TBC1D22A: variants seen among roughly 807,000 people sequenced by gnomAD.
TBC1D22A encodes TBC1 domain family member 22A.
TBC1D22A carries 38 observed loss-of-function variants against 60.2 expected under a neutral mutation model. That is an observed-to-expected ratio of 0.63 (90% CI 0.49 to 0.83). TBC1D22A has a LOEUF of 0.83. TBC1D22A is among the 40% of genes least tolerant of loss of function. The pLI, the probability that TBC1D22A is intolerant of heterozygous loss-of-function variation, is 0.00. For missense variants in TBC1D22A, 628 were observed against 701.0 expected (o/e 0.90, Z 1.18); for synonymous variants, 302 against 281.7 (o/e 1.07, Z -0.72).
rs1030368479 is a variant in TBC1D22A at position 46,792,646 on chromosome 22, C to T, written c.119+70C>T. On this transcript the variant is annotated intron_variant, in intron 2 of 12. Transcript: ENST00000337137. Reference sequence around the variant, plus strand: ...GGAGGGCTGTGGCAACCCCGGTCTTCCTGCTTCCTTCCTGCTCCCAGGCAT... The same window carrying T: ...GGAGGGCTGTGGCAACCCCGGTCTTTCTGCTTCCTTCCTGCTCCCAGGCAT... 12 of 1,612,414 alleles carry T rather than the reference C, an allele frequency of 7.4e-6. No individual in the cohort carries two copies. In the African/African-American group the frequency reaches 1.2e-4, roughly 16 times the overall value.
chr22:46,823,329 A>G (rs2085908245), intron 4 of TBC1D22A, among the ~76,000 whole-genome samples: 1 of 152,238 alleles, frequency 6.6e-6, no homozygotes, highest in Non-Finnish European at 1.5e-5. Flanking sequence ...TTTATTATAG[A>G]AAAATTTGGA....
intron 12 of TBC1D22A, among the ~76,000 whole-genome samples, chr22:47,133,199 T>G (rs1290387040): frequency 6.6e-6 from 1 of 152,256 alleles, no homozygotes; most frequent in East Asian, 1.9e-4. Context: ...GGTTCCCAAG[T>G]GTGCACAGGG....
At position 46,936,810 on chromosome 22, in the gene TBC1D22A, C is replaced by T. The variant is rs138976343; in HGVS notation, c.1015+24622C>T. ...CCTGCTCTTCGTAAGCCACACTGAC[C>T]TAGTCTGCAGCAGTTTTAAAGTTTT... On this transcript the variant is annotated intron_variant, in intron 8 of 12. Coordinates refer to ENST00000337137, the MANE Select transcript of TBC1D22A (RefSeq NM_014346.5). 4.6e-5 allele frequency among the ~76,000 whole-genome samples: 7 copies of T among 152,348 alleles called. No homozygotes were observed. The East Asian group carries it at 9.6e-4, about 21-fold the overall frequency.
At chr22:46,934,789 C>T (rs766172216) in intron 8 of TBC1D22A, among the ~76,000 whole-genome samples, 7 of 150,350 alleles carry the variant, frequency 4.7e-5, no homozygotes, top group African/African-American at 7.5e-5. Context: ...GTTGGTGTTA[C>T]GCTGCTGGAG....
At chr22:46,778,353 T>C (rs972741116) in intron 1 of TBC1D22A, among the ~76,000 whole-genome samples, 4 of 152,250 alleles carry the variant, frequency 2.6e-5, no homozygotes, top group African/African-American at 7.2e-5. Flanking sequence ...GACTCCTTTC[T>C]ATTGACACAT....
At position 46,777,324 on chromosome 22, in the gene TBC1D22A, A is replaced by G. The variant is rs1249695897; in HGVS notation, c.62+14476A>G. ...AGAGGTACGAGGCAGGGATGAGCAC[A>G]TTGTCTATTTTTGTGTGACTGGTAG... is the stretch of plus-strand genomic sequence containing the variant. On this transcript the variant is annotated intron_variant, in intron 1 of 12. Coordinates refer to ENST00000337137, the MANE Select transcript of TBC1D22A (RefSeq NM_014346.5). This position sits in a 1 kb window ranked among gnomAD's most constrained non-coding sequence, Gnocchi z 4.5. 1.3e-5 allele frequency among the ~76,000 whole-genome samples: 2 copies of G among 152,132 alleles called. No individual in the cohort carries two copies. Among genetic ancestry groups the G allele is most frequent in the African/African-American group, 4.8e-5 (2 of 41,420 alleles).
chr22:46,764,720 C>T (rs1022164519), intron 1 of TBC1D22A, among the ~76,000 whole-genome samples: 1 of 152,128 alleles, frequency 6.6e-6, no homozygotes, highest in South Asian at 2.1e-4. Context: ...TACAGAGAGA[C>T]ACACACAGGG....
rs545276126 is a variant in TBC1D22A at position 46,773,906 on chromosome 22, C to T, written c.62+11058C>T. ...TCAAAGCCACACAGCTCATAAGTGGCAAAGCTGGGGTTTGAACCTTAGAAG... is the reference window on the plus strand; with the variant it reads ...TCAAAGCCACACAGCTCATAAGTGGTAAAGCTGGGGTTTGAACCTTAGAAG... On this transcript the variant is annotated intron_variant, in intron 1 of 12. Coordinates refer to ENST00000337137, the MANE Select transcript of TBC1D22A (RefSeq NM_014346.5). The T allele has an allele frequency of 2.0e-5, 20 of 984,700 alleles. No individual in the cohort carries two copies. In the East Asian group the frequency reaches 1.7e-3, roughly 84 times the overall value. 61.0% of individuals were successfully genotyped at this position (984,700 alleles called of 1,614,324 possible).
chr22:46,867,678 G>T (rs895975944), intron 4 of TBC1D22A, among the ~76,000 whole-genome samples: 23 of 152,286 alleles, frequency 1.5e-4, no homozygotes, highest in Admixed American at 1.4e-3. Flanking sequence ...AGATGATGAC[G>T]TTAACACTGT....
chr22:46,780,103 T>G (rs188059950), intron 1 of TBC1D22A, among the ~76,000 whole-genome samples: 1 of 152,320 alleles, frequency 6.6e-6, no homozygotes, highest in East Asian at 1.9e-4. Context: ...ATCTGGGGAG[T>G]ATCACCATGT....
rs896193803 is a variant in TBC1D22A, at chr22:47,143,914, C to A, written c.1426-29584C>A. Among the ~76,000 whole-genome samples the A allele has an allele frequency of 5.3e-5, 8 of 152,232 alleles. No homozygotes were observed. The East Asian group carries it at 1.3e-3, about 26-fold the overall frequency. ...AAACACGTGGAGAGGTGTGCACTTA[C>A]GGCAGGCCCGCTGCCTTCTTCTGCT... On this transcript the variant is annotated intron_variant, in intron 12 of 12. Coordinates refer to ENST00000337137, the MANE Select transcript of TBC1D22A (RefSeq NM_014346.5).
In TBC1D22A at chr22:47,157,319, G is replaced by A. The variant is rs150676682; in HGVS notation, c.1426-16179G>A. 5.9e-3 allele frequency among the ~76,000 whole-genome samples: 897 copies of A among 152,324 alleles called. 5 individuals carry two copies. Among genetic ancestry groups the A allele is most frequent in the African/African-American group, 0.016 (647 of 41,568 alleles). ...CTGCACTATCCTGCACCTCTCAGCC[G>A]CTTTCCCGATCTCTTTTTGGTGTTC... On this transcript the variant is annotated intron_variant, in intron 12 of 12. Transcript: ENST00000337137.
chr22:46,943,971 G>A (rs1238313204), intron 8 of TBC1D22A, among the ~76,000 whole-genome samples: 1 of 152,170 alleles, frequency 6.6e-6, no homozygotes, highest in Non-Finnish European at 1.5e-5. Flanking sequence ...CATTTGGGTT[G>A]TTTGCACTTC....
At chr22:46,954,615 G>A (rs184687787) in intron 8 of TBC1D22A, among the ~76,000 whole-genome samples, 6 of 152,314 alleles carry the variant, frequency 3.9e-5, no homozygotes, top group Admixed American at 2.6e-4. Context: ...AGCTGAGGAC[G>A]CCGAGCTGAG....
At chr22:46,872,320 A>G (rs1282429794) in intron 4 of TBC1D22A, among the ~76,000 whole-genome samples, 2 of 152,164 alleles carry the variant, frequency 1.3e-5, no homozygotes, top group Non-Finnish European at 2.9e-5. Flanking sequence ...TTTTTAAGGT[A>G]ACATAATCCC....
chr22:46,875,918 C>T (rs1342720914), intron 4 of TBC1D22A, among the ~76,000 whole-genome samples: 1 of 152,114 alleles, frequency 6.6e-6, no homozygotes, highest in African/African-American at 2.4e-5. Context: ...TTCAGGAGCA[C>T]ATACATTACT....
intron 8 of TBC1D22A, among the ~76,000 whole-genome samples, chr22:46,958,434 CAG>C (rs1046650109): frequency 1.2e-4 from 18 of 152,258 alleles, no homozygotes; most frequent in Admixed American, 2.6e-4. Flanking sequence ...TGGGATGGGA[CAG>C]GGGGCTCGGC....
chr22:46,938,587 CTCTT>C (rs1242877277), intron 8 of TBC1D22A, among the ~76,000 whole-genome samples: 1 of 144,354 alleles, frequency 6.9e-6, no homozygotes, highest in Non-Finnish European at 1.5e-5. Context: ...AGTTATTTCT[CTCTT>C]TTTTTTTTTT....
intron 8 of TBC1D22A, among the ~76,000 whole-genome samples, chr22:46,963,454 G>T (rs181697519): frequency 1.6e-5 from 2 of 122,698 alleles, no homozygotes; most frequent in African/African-American, 6.1e-5. Context: ...GCTTTCTCCC[G>T]GCCAAGTGTA....
Sources: allele counts gnomAD v4.1 joint callset (sites outside exome capture counted in the v4.1 genomes callset), GRCh38; gene constraint gnomAD v4.1.1; non-coding constraint Gnocchi (gnomAD v3.1); transcripts MANE v1.5; gene names NCBI Gene and HGNC (gene_info 2026-07-23, HGNC 2026-07-21).